The following C14orf132 variants were observed in gnomAD, a reference collection of about 807,000 sequenced individuals.
The protein encoded by C14orf132 is chromosome 14 open reading frame 132.
C14orf132 carries 6 observed loss-of-function variants against 5.8 expected under a neutral mutation model. The observed-to-expected ratio is 1.03, with a 90% CI of 0.57 to 2.04. C14orf132 has a LOEUF of 2.04. C14orf132 is among the 30% of genes most tolerant of loss of function. The probability of loss-of-function intolerance (pLI) is 0.00; values close to 1 mark genes in which losing one functional copy is unlikely to be tolerated. For synonymous variants in C14orf132, 51 were observed against 49.8 expected, an observed-to-expected ratio of 1.02 and a Z score of -0.10; for missense variants, 125 against 115.8, an observed-to-expected ratio of 1.08 and a Z score of -0.37.
intron 1 of C14orf132, among the ~76,000 whole-genome samples, chr14:96,063,138 G>A (rs1159367553): frequency 6.6e-6 from 1 of 152,164 alleles, no homozygotes; most frequent in African/African-American, 2.4e-5. Flanking sequence ...AGGCCAGGGA[G>A]CTGTGAAGCA....
chr14:96,073,915 T>G (rs922059622), intron 1 of C14orf132, among the ~76,000 whole-genome samples: 2 of 152,218 alleles, frequency 1.3e-5, no homozygotes, highest in Non-Finnish European at 2.9e-5. Flanking sequence ...GAAGCTGTTA[T>G]CCTCAGCAAA....
At chr14:96,051,128 A>T in intron 1 of C14orf132, 1 of 398,634 alleles carries the variant, frequency 2.5e-6, no homozygotes, top group Non-Finnish European at 4.4e-6. Context: ...CTACAGGTCA[A>T]GTGAGCCTGG....
Position 96,089,261 on chromosome 14 carries a change from C to T in C14orf132, c.*2526C>T, listed in dbSNP as rs1037082328. 1 of 152,324 alleles carries T rather than the reference C, an allele frequency of 6.6e-6. No homozygotes were observed. The highest frequency in any genetic ancestry group is 1.5e-5 in the Non-Finnish European group (1 of 68,104). 9.4% of individuals were successfully genotyped at this position (152,324 alleles called of 1,614,324 possible). On this transcript the variant is annotated 3_prime_UTR_variant, in exon 2 of 2. Transcript: ENST00000555004. ...TTGGAAAGGGGAAAAAGATGCCGGT[C>T]CTCACTGCTTAAGTTTTGTGTCCAG...
chr14:96,058,338 A>T (rs1216994586), intron 1 of C14orf132, among the ~76,000 whole-genome samples: 2 of 151,916 alleles, frequency 1.3e-5, no homozygotes, highest in Non-Finnish European at 2.9e-5. Flanking sequence ...ATCCTTAATG[A>T]TGCCATTTCT....
chr14:96,040,876 T>C (rs535310930), intron 1 of C14orf132, among the ~76,000 whole-genome samples: 8 of 152,292 alleles, frequency 5.3e-5, no homozygotes, highest in African/African-American at 1.9e-4. Context: ...CCAGGATTTA[T>C]TTCTAGACTG....
chr14:96,039,388 C>T lies in C14orf132; in HGVS notation c.-113C>T, dbSNP rs959763221. ...GAAGCCCAGAGACAGCCGAGTGCGCCGTGCGGTCTCCGGACGCTCGCTGCT... is the reference window on the plus strand; with the variant it reads ...GAAGCCCAGAGACAGCCGAGTGCGCTGTGCGGTCTCCGGACGCTCGCTGCT... On this transcript the variant is annotated 5_prime_UTR_variant, in exon 1 of 2. Coordinates refer to ENST00000555004, the MANE Select transcript of C14orf132 (RefSeq NM_001252507.3). This position sits in a 1 kb window ranked among gnomAD's most constrained non-coding sequence, Gnocchi z 5.3. 5.6e-6 allele frequency: 6 copies of T among 1,077,904 alleles called. No homozygotes were observed. In the African/African-American group the frequency reaches 9.9e-5, roughly 18 times the overall value. 66.8% of individuals were successfully genotyped at this position (1,077,904 alleles called of 1,614,324 possible). A position where few individuals can be genotyped will look rare whatever the true frequency, so the allele number is the denominator to read the frequency against.
At chr14:96,049,653 T>TATACGTATATATGTATATATATAGAG (rs371381526) in intron 1 of C14orf132, among the ~76,000 whole-genome samples, 4 of 82,280 alleles carry the variant, frequency 4.9e-5, no homozygotes, top group African/African-American at 1.8e-4. Context: ...TATATATATA[T>TATACGTATATATGTATATATATAGAG]AGAGAGAGAG....
chr14:96,060,422 C>T (rs992803872), intron 1 of C14orf132, among the ~76,000 whole-genome samples: 1 of 152,224 alleles, frequency 6.6e-6, no homozygotes, highest in Non-Finnish European at 1.5e-5. Context: ...CACTGACCAG[C>T]CAAGTGAGCT....
chr14:96,051,511 C>T lies in C14orf132; in HGVS notation c.27+11984C>T, dbSNP rs377018719. On this transcript the variant is annotated intron_variant, in intron 1 of 1. Transcript: ENST00000555004. ...GATTTCTTCCAGCCCTCGTGAGGACCCCTCATCCATCTCCTCAGCATGAAG... is the reference window on the plus strand; with the variant it reads ...GATTTCTTCCAGCCCTCGTGAGGACTCCTCATCCATCTCCTCAGCATGAAG... 1.2e-4 allele frequency among the ~76,000 whole-genome samples: 18 copies of T among 152,290 alleles called. 1 individual carries two copies. Among genetic ancestry groups the T allele is most frequent in the African/African-American group, 4.1e-4 (17 of 41,554 alleles).
intron 1 of C14orf132, among the ~76,000 whole-genome samples, chr14:96,071,339 A>G (rs1200495966): frequency 6.6e-6 from 1 of 152,022 alleles, no homozygotes; most frequent in African/African-American, 2.4e-5. Flanking sequence ...CCCACAACAC[A>G]TGGGGATTTG....
chr14:96,081,204 T>C (rs4340260), intron 1 of C14orf132, among the ~76,000 whole-genome samples: 92,340 of 152,076 alleles, frequency 0.61, 28,526 homozygotes, highest in East Asian at 0.9. Flanking sequence ...TATGCATGCA[T>C]GTTTTTGATT....
intron 1 of C14orf132, among the ~76,000 whole-genome samples, chr14:96,055,139 G>A (rs904943165): frequency 2.0e-5 from 3 of 152,184 alleles, no homozygotes; most frequent in South Asian, 2.1e-4. Context: ...TACTCACACC[G>A]CAGCAAGCGA....
intron 1 of C14orf132, among the ~76,000 whole-genome samples, chr14:96,070,929 T>C (rs1285433488): frequency 1.3e-5 from 2 of 152,090 alleles, no homozygotes; most frequent in Non-Finnish European, 2.9e-5. Flanking sequence ...ACTGTAAAGG[T>C]CATCGATCAT....
chr14:96,052,487 A>T (rs1341596388), intron 1 of C14orf132, among the ~76,000 whole-genome samples: 6 of 152,234 alleles, frequency 3.9e-5, no homozygotes, highest in African/African-American at 1.4e-4. Flanking sequence ...CAAGGTTCTC[A>T]TCTCATTTAT....
rs1056322605 is a variant in C14orf132 at position 96,092,263 on chromosome 14, C to T, written c.*5528C>T. 2 of 152,174 alleles carry T rather than the reference C, an allele frequency of 1.3e-5. No individual in the cohort carries two copies. Among genetic ancestry groups the T allele is most frequent in the Non-Finnish European group, 2.9e-5 (2 of 68,028 alleles). The allele number at this position is 152,174 out of a possible 1,614,324, so 9.4% of individuals were successfully genotyped here. A position where few individuals can be genotyped will look rare whatever the true frequency, so the allele number is the denominator to read the frequency against. ...CTGGATGCTGGTCTTTTGACCGTGG[C>T]GGCAGCCTCGCGCCTGCCCGGATGG... On this transcript the variant is annotated 3_prime_UTR_variant, in exon 2 of 2. Transcript: ENST00000555004.
At chr14:96,059,720 C>T (rs1010578615) in intron 1 of C14orf132, among the ~76,000 whole-genome samples, 6 of 152,214 alleles carry the variant, frequency 3.9e-5, no homozygotes, top group South Asian at 4.1e-4. Flanking sequence ...CCCTTGGTCC[C>T]GCCTTTCCTC....
At chr14:96,058,814 G>A (rs752768819) in intron 1 of C14orf132, among the ~76,000 whole-genome samples, 7 of 152,232 alleles carry the variant, frequency 4.6e-5, no homozygotes, top group Non-Finnish European at 1.0e-4. Context: ...CACTGGCAGG[G>A]CTGGGAACAG....
rs1171431566 is a variant in C14orf132, at chr14:96,039,379, C to T, written c.-122C>T. The T allele has an allele frequency of 2.0e-6, 2 of 989,188 alleles. No individual in the cohort carries two copies. The highest frequency in any genetic ancestry group is 1.4e-6 in the Non-Finnish European group (1 of 735,010). 61.3% of individuals were successfully genotyped at this position (989,188 alleles called of 1,614,324 possible). Reference sequence around the variant, plus strand: ...CTGGAGCCAGAAGCCCAGAGACAGCCGAGTGCGCCGTGCGGTCTCCGGACG... The same window carrying T: ...CTGGAGCCAGAAGCCCAGAGACAGCTGAGTGCGCCGTGCGGTCTCCGGACG... On this transcript the variant is annotated 5_prime_UTR_variant, in exon 1 of 2. Transcript: ENST00000555004. The surrounding 1 kb of genome is among the most constrained non-coding windows in gnomAD (Gnocchi z 5.3).
chr14:96,056,262 G>A (rs1324872150), intron 1 of C14orf132, among the ~76,000 whole-genome samples: 1 of 152,186 alleles, frequency 6.6e-6, no homozygotes, highest in Non-Finnish European at 1.5e-5. Context: ...CAGCATTCAC[G>A]TGACATGGCC....
Sources: allele counts gnomAD v4.1 joint callset (sites outside exome capture counted in the v4.1 genomes callset), GRCh38; gene constraint gnomAD v4.1.1; non-coding constraint Gnocchi (gnomAD v3.1); transcripts MANE v1.5; gene names NCBI Gene and HGNC (gene_info 2026-07-23, HGNC 2026-07-21).